RCC1L: variants seen among roughly 807,000 people sequenced by gnomAD.
RCC1L encodes the protein RCC1 like, also known as RCC1-like G exchanging factor-like protein.
In RCC1L, 46 loss-of-function variants were observed where a neutral mutation model predicts 58.6. That is an observed-to-expected ratio of 0.79 (90% CI 0.62 to 1.00). The LOEUF (loss-of-function observed/expected upper bound fraction) is 1.00, where lower values mean the gene tolerates loss of function less well. Ranked by LOEUF, RCC1L falls within the 50% of genes least tolerant of loss-of-function variation. RCC1L has a pLI of 0.00. For synonymous variants in RCC1L, 281 were observed against 262.9 expected, an observed-to-expected ratio of 1.07 and a Z score of -0.67; for missense variants, 636 against 623.6, an observed-to-expected ratio of 1.02 and a Z score of -0.21.
chr7:75,053,671 G>A (rs1217340792), intron 9 of RCC1L, among the ~76,000 whole-genome samples: 2 of 152,162 alleles, frequency 1.3e-5, no homozygotes, highest in Non-Finnish European at 2.9e-5. Context: ...CTCCTAGCCC[G>A]GCCTTCAGGT....
rs2131995937 is a variant in RCC1L, at chr7:75,058,645, A to G, written c.912T>C (p.Leu304=). 1 of 1,613,508 alleles carries G rather than the reference A, an allele frequency of 6.2e-7. No homozygotes were observed. Among genetic ancestry groups the G allele is most frequent in the Non-Finnish European group, 8.5e-7 (1 of 1,179,686 alleles). ...GGTACTCCGAGTTTCCCCAACCAAA[A>G]AGTCCTCCGTCGGCGGACACGGCCA... ...CCLAVSADGG[L]FGWGNSEYLQ... Residue 304 remains leucine (L), a synonymous_variant, in exon 7 of 11, where the codon CTT becomes CTC. Coordinates refer to ENST00000610322, the MANE Select transcript of RCC1L (RefSeq NM_030798.5).
At position 75,057,514 on chromosome 7, in the gene RCC1L, G is replaced by C; in HGVS notation, c.1057+15C>G. ...CCTACAGCTTCCCAATGAGCCACCG[G>C]AAAGAAGGTCTCACCGTTTAACACT... On this transcript the variant is annotated intron_variant, in intron 8 of 10. Transcript: ENST00000610322. 2 of 1,613,660 alleles carry C rather than the reference G, an allele frequency of 1.2e-6. No individual in the cohort carries two copies. Among genetic ancestry groups the C allele is most frequent in the Non-Finnish European group, 1.7e-6 (2 of 1,179,656 alleles).
At chr7:75,028,328 C>T (rs1221722986) in intron 10 of RCC1L, among the ~76,000 whole-genome samples, 4 of 152,016 alleles carry the variant, frequency 2.6e-5, no homozygotes, top group Non-Finnish European at 5.9e-5. Flanking sequence ...ACCATGTTGG[C>T]CACGCTGGTC....
intron 10 of RCC1L, among the ~76,000 whole-genome samples, chr7:75,034,302 G>A (rs1365606878): frequency 3.9e-5 from 6 of 152,150 alleles, no homozygotes; most frequent in African/African-American, 1.2e-4. Context: ...GATTGTCTGA[G>A]CTCAGAGGTT....
chr7:75,070,860 A>T, intron 1 of RCC1L, 91 bp from the exon 2 acceptor site: 1 of 1,543,464 alleles, frequency 6.5e-7, no homozygotes, highest in Non-Finnish European at 8.8e-7. Flanking sequence ...ATCCAAGAAC[A>T]CATACTATTT....
At chr7:75,055,841 A>T in intron 9 of RCC1L, 60 bp downstream of exon 9, 1 of 1,604,608 alleles carries the variant, frequency 6.2e-7, no homozygotes, top group Non-Finnish European at 8.5e-7. Flanking sequence ...TTTGGGGTTG[A>T]ACTGGAGACA....
intron 10 of RCC1L, among the ~76,000 whole-genome samples, chr7:75,029,950 GATAGCAAGACCAACCTGGTCAAC>G (rs1805254132): frequency 6.6e-6 from 1 of 152,192 alleles, no homozygotes; most frequent in African/African-American, 2.4e-5. Context: ...TTGAGGCCAA[GATAGCAAGACCAACCTGGTCAAC>G]ATAGCAAGAC....
intron 8 of RCC1L, chr7:75,056,468 C>G: frequency 1.4e-6 from 2 of 1,434,226 alleles, no homozygotes; most frequent in South Asian, 2.9e-5. Flanking sequence ...AGGCCAAACA[C>G]ATCAACAATG....
Position 75,073,631 on chromosome 7 carries a change from C to T in RCC1L, c.107G>A (p.Arg36His), listed in dbSNP as rs1806856688. The change falls in exon 1 of 11, where the codon CGC becomes CAC. Residue 36 changes from arginine to histidine, a missense_variant. Coordinates refer to ENST00000610322, the MANE Select transcript of RCC1L (RefSeq NM_030798.5). ...WTAAGRSRSR[R>H]EAAEAEAEVP... is the part of the protein sequence containing the mutation. ...CTCCGCCTCGGCTTCTGCCGCTTCG[C>T]GCCGGCTCCGGGAGCGCCCGGCCGC... 1 of 1,493,646 alleles carries T rather than the reference C, an allele frequency of 6.7e-7. No homozygotes were observed. The highest frequency in any genetic ancestry group is 8.8e-7 in the Non-Finnish European group (1 of 1,131,082). 92.5% of individuals were successfully genotyped at this position (1,493,646 alleles called of 1,614,324 possible). A position where few individuals can be genotyped will look rare whatever the true frequency, so the allele number is the denominator to read the frequency against.
At chr7:75,041,308 A>G (rs1271018417), downstream of RCC1L, among the ~76,000 whole-genome samples, 1 of 152,028 alleles carries the variant, frequency 6.6e-6, no homozygotes, top group East Asian at 1.9e-4. Context: ...GGCCCACAGA[A>G]CCACTTCATA....
chr7:75,044,894 C>T (rs797023059), intron 10 of RCC1L, among the ~76,000 whole-genome samples: 17,892 of 151,964 alleles, frequency 0.12, 3,247 homozygotes, highest in African/African-American at 0.39. Context: ...TGGTGGCAGG[C>T]GCCTGTAATC....
chr7:75,062,160 T>TAAA (rs587729325), intron 5 of RCC1L, among the ~76,000 whole-genome samples: 7 of 150,822 alleles, frequency 4.6e-5, no homozygotes, highest in African/African-American at 1.7e-4. Flanking sequence ...TGCACTAAAA[T>TAAA]AAAAAAAAAG....
At chr7:75,055,830 G>A (rs782324406) in intron 9 of RCC1L, 71 bp downstream of exon 9, 1 of 1,584,932 alleles carries the variant, frequency 6.3e-7, no homozygotes, top group Non-Finnish European at 8.7e-7. Context: ...GCTGCCCGCA[G>A]TTTGGGGTTG....
intron 1 of RCC1L, among the ~76,000 whole-genome samples, chr7:75,071,830 T>C (rs1806738801): frequency 6.6e-6 from 1 of 151,974 alleles, no homozygotes; most frequent in Non-Finnish European, 1.5e-5. Flanking sequence ...ACCATCTCTC[T>C]CACTAAGCTG....
intron 10 of RCC1L, among the ~76,000 whole-genome samples, chr7:75,048,916 G>A (rs1387434343): frequency 1.3e-5 from 2 of 152,182 alleles, no homozygotes; most frequent in African/African-American, 2.4e-5. Context: ...ACTTAGATAT[G>A]TGACCCTGGG....
At chr7:75,028,042 G>A (rs2131962902) in exon 11 of RCC1L, 1 of 1,534,838 alleles carries the variant, frequency 6.5e-7, no homozygotes, top group Non-Finnish European at 8.7e-7. Flanking sequence ...TCAGAGGAGT[G>A]GGCCTGTTGT....
chr7:75,043,150 C>T (rs1805616480), intron 10 of RCC1L, 41 bp from the exon 11 acceptor site: 1 of 1,611,540 alleles, frequency 6.2e-7, no homozygotes, highest in Non-Finnish European at 8.5e-7. Flanking sequence ...GGGGGTGGCG[C>T]ACCCGGAGGA....
chr7:75,044,838 A>G (rs992517663), intron 10 of RCC1L, among the ~76,000 whole-genome samples: 17,440 of 151,992 alleles, frequency 0.11, 3,076 homozygotes, highest in African/African-American at 0.38. Flanking sequence ...CCTGGCCAAC[A>G]TGGTGAAACC....
At chr7:75,072,813 C>A (rs1419231426) in intron 1 of RCC1L, among the ~76,000 whole-genome samples, 8 of 152,122 alleles carry the variant, frequency 5.3e-5, no homozygotes, top group African/African-American at 1.7e-4. Flanking sequence ...CCCATCTCTA[C>A]TAAAAATACA....
Sources: gnomAD v4.1 joint callset for allele counts (sites outside exome capture counted in the v4.1 genomes callset) on GRCh38, gnomAD v4.1.1 for gene constraint, MANE v1.5 for transcripts, NCBI Gene and HGNC (gene_info 2026-07-23, HGNC 2026-07-21) for gene names.